Variants in ZNF236 observed in about 807,000 individuals in gnomAD.
The protein encoded by ZNF236 is regulated by glucose.
A neutral mutation model predicts 191.2 loss-of-function variants in ZNF236; 50 were observed. The observed-to-expected ratio is 0.26, with a 90% CI of 0.21 to 0.33. The LOEUF is 0.33. ZNF236 is among the 10% of genes least tolerant of loss of function. The pLI is 1.00. For synonymous variants in ZNF236, 907 were observed against 928.8 expected (o/e 0.98, Z 0.43); for missense variants, 1,754 against 2,374.5 (o/e 0.74, Z 5.43).
intron 10 of ZNF236, among the ~76,000 whole-genome samples, chr18:76,897,612 G>A (rs984293671): frequency 6.6e-6 from 1 of 151,524 alleles, no homozygotes; most frequent in African/African-American, 2.4e-5. Context: ...CTGCACACAG[G>A]CATCATGCAC....
intron 30 of ZNF236, among the ~76,000 whole-genome samples, chr18:76,961,736 T>C (rs901551551): frequency 3.4e-4 from 52 of 152,234 alleles, no homozygotes; most frequent in African/African-American, 1.2e-3. Flanking sequence ...CTATTTTTTT[T>C]TTTATTTTTT....
At chr18:76,909,474 A>AT (rs1967157826) in intron 14 of ZNF236, among the ~76,000 whole-genome samples, 1 of 150,716 alleles carries the variant, frequency 6.6e-6, no homozygotes, top group South Asian at 2.1e-4. Context: ...TCAAAGATGA[A>AT]TGTAGGTCAG....
At chr18:76,845,424 G>T (rs928659428) in intron 1 of ZNF236, among the ~76,000 whole-genome samples, 1 of 152,152 alleles carries the variant, frequency 6.6e-6, no homozygotes, top group African/African-American at 2.4e-5. Flanking sequence ...ACAGTTAAAC[G>T]CAGGCAGCTT....
intron 26 of ZNF236, among the ~76,000 whole-genome samples, chr18:76,939,996 C>T (rs1968095181): frequency 7.1e-6 from 1 of 141,646 alleles, no homozygotes; most frequent in Admixed American, 7.2e-5. Flanking sequence ...GGTGGGCTAC[C>T]CTAGCACTGC....
chr18:76,910,896 A>C, intron 16 of ZNF236, 85 bp downstream of exon 16: 2 of 1,494,110 alleles, frequency 1.3e-6, no homozygotes, highest in Non-Finnish European at 1.8e-6. Flanking sequence ...AAATTTCCTT[A>C]AGGGAAATTT....
chr18:76,867,230 T>TG (rs1976444939), intron 3 of ZNF236, among the ~76,000 whole-genome samples: 1 of 150,942 alleles, frequency 6.6e-6, no homozygotes, highest in African/African-American at 2.4e-5. Flanking sequence ...TGCAGAGGTT[T>TG]TTTTTTTTTT....
rs199768690 is a variant in ZNF236 at position 76,849,513 on chromosome 18, T to C, written c.56-13T>C. 5.1e-5 allele frequency: 82 copies of C among 1,597,302 alleles called. No homozygotes were observed. The highest frequency in any genetic ancestry group is 3.9e-4 in the African/African-American group (29 of 74,006). ...AACTGGTATTTATTGTCTATACTTA[T>C]GCAATTTTATAGATGGAGTTTTAAC... On this transcript the variant is annotated splice_polypyrimidine_tract_variant and intron_variant, in intron 1 of 30. Transcript: ENST00000320610.
chr18:76,882,441 C>T (rs1976926425), intron 9 of ZNF236, among the ~76,000 whole-genome samples: 1 of 152,214 alleles, frequency 6.6e-6, no homozygotes, highest in Admixed American at 6.5e-5. Flanking sequence ...ACAGCCTTCT[C>T]ATTTCTGAAC....
chr18:76,824,012 T>G, intron 1 of ZNF236: 2 of 287,056 alleles, frequency 7.0e-6, no homozygotes. Context: ...CCTATGGGAG[T>G]CGGTGGGTTA....
At position 76,908,453 on chromosome 18, in the gene ZNF236, G is replaced by C; in HGVS notation, c.2431G>C (p.Ala811Pro). The change falls in exon 14 of 31, where the codon GCA (alanine) becomes CCA (proline). Residue 811 changes from alanine (A) to proline (P), a missense_variant. By Grantham distance (27) the Ala-to-Pro change is conservative. Coordinates refer to ENST00000320610, the MANE Select transcript of ZNF236 (RefSeq NM_001306089.2). ...CGAGAGCGACGAGCTGCCGCAGACG[G>C]CAGAGGTGGTCGCAGCGAACCCCGA... ...EIESDELPQT[A>P]EVVAANPEAM... 1 of 1,614,084 alleles carries C rather than the reference G, an allele frequency of 6.2e-7. No homozygotes were observed. Among genetic ancestry groups the C allele is most frequent in the African/African-American group, 1.3e-5 (1 of 75,006 alleles).
In ZNF236 at chr18:76,911,345, G is replaced by A. The variant is rs575264066; in HGVS notation, c.2805+534G>A. Among the ~76,000 whole-genome samples, 15 of 152,022 alleles carry A rather than the reference G, an allele frequency of 9.9e-5. No homozygotes were observed. The East Asian group carries it at 2.3e-3, about 23-fold the overall frequency. On this transcript the variant is annotated intron_variant, in intron 16 of 30. Coordinates refer to ENST00000320610, the MANE Select transcript of ZNF236 (RefSeq NM_001306089.2). Reference sequence around the variant, plus strand: ...TTGTTATCCCTCTTTAAAATCCACCGCGGGTAGCTTTGCCCAAGTGGTAGG... The same window carrying A: ...TTGTTATCCCTCTTTAAAATCCACCACGGGTAGCTTTGCCCAAGTGGTAGG...
chr18:76,872,286 G>A (rs1321244623), intron 5 of ZNF236, among the ~76,000 whole-genome samples: 1 of 152,140 alleles, frequency 6.6e-6, no homozygotes, highest in Admixed American at 6.5e-5. Flanking sequence ...TTCAAGACTA[G>A]CACGGGCAAC....
chr18:76,928,135 T>C (rs1401785956), intron 25 of ZNF236, 29 bp downstream of exon 25: 1 of 1,578,210 alleles, frequency 6.3e-7, no homozygotes, highest in Admixed American at 1.8e-5. Context: ...TAAACATCTT[T>C]TCACCCTGCA....
intron 13 of ZNF236, among the ~76,000 whole-genome samples, chr18:76,906,693 A>G (rs1004233664): frequency 4.6e-5 from 7 of 152,168 alleles, no homozygotes; most frequent in Non-Finnish European, 8.8e-5. Context: ...ACCTTTATTA[A>G]GTGGTATATT....
At position 76,856,531 on chromosome 18, in the gene ZNF236, T is replaced by C. The variant is rs182185798; in HGVS notation, c.363+4592T>C. On this transcript the variant is annotated intron_variant, in intron 3 of 30. Transcript: ENST00000320610. ...GTTGTAAAAGTTGTCTCCTCCAATC[T>C]GGTAATTTAAAGATAGTATGTTTTT... is the stretch of plus-strand genomic sequence containing the variant. Among the ~76,000 whole-genome samples, 14 of 152,340 alleles carry C rather than the reference T, an allele frequency of 9.2e-5. No homozygotes were observed. In the East Asian group the frequency reaches 2.3e-3, roughly 25 times the overall value.
intron 6 of ZNF236, among the ~76,000 whole-genome samples, chr18:76,876,241 CT>C (rs1341399004): frequency 2.6e-5 from 4 of 151,930 alleles, no homozygotes; most frequent in Admixed American, 6.6e-5. Flanking sequence ...GCAGGTCAAC[CT>C]TTGCTCTAAC....
intron 6 of ZNF236, among the ~76,000 whole-genome samples, chr18:76,876,775 C>G (rs955120551): frequency 3.9e-5 from 6 of 152,148 alleles, no homozygotes; most frequent in Admixed American, 6.5e-5. Flanking sequence ...TAGGAAGGAT[C>G]GTCTATTTGT....
chr18:76,967,644 G>A (rs368239927), intron 30 of ZNF236, among the ~76,000 whole-genome samples: 5 of 34,540 alleles, frequency 1.4e-4, no homozygotes, highest in Admixed American at 3.4e-4. Flanking sequence ...GTTGGAGGTG[G>A]TGTGATCTCT....
intron 30 of ZNF236, among the ~76,000 whole-genome samples, chr18:76,963,825 T>G (rs1367763214): frequency 6.6e-6 from 1 of 152,244 alleles, no homozygotes; most frequent in Admixed American, 6.5e-5. Context: ...TCCAGGAATT[T>G]ATCCATCTTT....
Sources: gnomAD v4.1 joint callset for allele counts (sites outside exome capture counted in the v4.1 genomes callset) on GRCh38, gnomAD v4.1.1 for gene constraint, MANE v1.5 for transcripts, NCBI Gene and HGNC (gene_info 2026-07-23, HGNC 2026-07-21) for gene names.